Variants in FTCD observed in about 807,000 individuals in gnomAD.
The protein encoded by FTCD is formimidoyltransferase cyclodeaminase.
In FTCD, 76 loss-of-function variants were observed where a neutral mutation model predicts 62.9. That is an observed-to-expected ratio of 1.21 (90% CI 1.00 to 1.46). The LOEUF (loss-of-function observed/expected upper bound fraction) is 1.46. FTCD is among the 40% of genes most tolerant of loss of function. The pLI is 0.00. For synonymous variants in FTCD, 397 were observed against 336.9 expected (o/e 1.18, Z -1.95); for missense variants, 845 against 751.3 (o/e 1.12, Z -1.46).
At chr21:46,152,816 C>T in intron 3 of FTCD, 91 bp downstream of exon 3, 1 of 1,130,142 alleles carries the variant, frequency 8.8e-7, no homozygotes, top group South Asian at 1.6e-5. Context: ...CAAGAGCAGT[C>T]AAGGGCAGGG....
chr21:46,151,877 C>T lies in FTCD; in HGVS notation c.456+15G>A, dbSNP rs2079288216. The T allele has an allele frequency of 6.4e-7, 1 of 1,556,860 alleles. No individual in the cohort carries two copies. The highest frequency in any genetic ancestry group is 8.7e-7 in the Non-Finnish European group (1 of 1,150,280). On this transcript the variant is annotated intron_variant, in intron 4 of 13. Transcript: ENST00000397746. ...CCACCTCCTTCCCAGGCCCGACCGC[C>T]CGGGGTGGGGGCACCTTCTTAGGGA...
intron 13 of FTCD, 72 bp from the exon 14 acceptor site, chr21:46,137,145 A>AC (rs2078887541): frequency 6.9e-6 from 11 of 1,598,266 alleles, no homozygotes; most frequent in Non-Finnish European, 9.4e-6. Flanking sequence ...GCAACCTCCG[A>AC]CCCCCACTGC....
At chr21:46,141,304 T>A (rs78566761) in intron 10 of FTCD, among the ~76,000 whole-genome samples, 1 of 83,838 alleles carries the variant, frequency 1.2e-5, no homozygotes, top group Middle Eastern at 5.8e-3. Context: ...CCTGGCTTTA[T>A]TTTTTTTTTT....
rs576221240 is a variant in FTCD, at chr21:46,154,083, A to T, written c.238+66T>A. 2,788 of 1,540,544 alleles carry T rather than the reference A, an allele frequency of 1.8e-3. 8 individuals carry two copies. Among genetic ancestry groups the T allele is most frequent in the Non-Finnish European group, 2.4e-3 (2,630 of 1,114,326 alleles). ...CCGGGCCTACCCCCTCTCCCAGGAC[A>T]CCAGGACAGGGCTCGGCCCTGACAT... On this transcript the variant is annotated intron_variant, in intron 2 of 13. Transcript: ENST00000397746.
chr21:46,136,634 C>T (rs1601284394), downstream of FTCD: 12 of 1,488,066 alleles, frequency 8.1e-6, no homozygotes, highest in South Asian at 5.2e-5. Flanking sequence ...GGGACCCTGG[C>T]GCTGAGGTCT....
Position 46,137,298 on chromosome 21 carries a change from C to G in FTCD, c.1480G>C (p.Ala494Pro). The change falls in exon 13 of 14, where the codon GCA (alanine) becomes CCA (proline). Residue 494 changes from alanine (A) to proline (P), a missense_variant. Coordinates refer to ENST00000397746, the MANE Select transcript of FTCD (RefSeq NM_206965.2). ...AGGTTGATGAGCACGTTGAAATATG[C>G]GCCAAACACGCCCATCTCCAGGGCT... is the stretch of plus-strand genomic sequence containing the variant. ...AKALEMGVFGAYFNVLINLRD... is the reference protein window; with the variant it reads ...AKALEMGVFGPYFNVLINLRD... 6.2e-7 allele frequency: 1 copy of G among 1,613,756 alleles called. No homozygotes were observed. The highest frequency in any genetic ancestry group is 8.5e-7 in the Non-Finnish European group (1 of 1,179,900).
At chr21:46,152,751 G>A (rs1235465842) in intron 3 of FTCD, 156 bp downstream of exon 3, 12 of 630,582 alleles carry the variant, frequency 1.9e-5, no homozygotes, top group South Asian at 1.2e-4. Flanking sequence ...CGTTTATTTC[G>A]GTATTGAGGG....
chr21:46,147,042 C>G (rs982497811), intron 7 of FTCD: 1 of 152,318 alleles, frequency 6.6e-6, no homozygotes, highest in Non-Finnish European at 1.5e-5. Flanking sequence ...GGACATCATT[C>G]GAAACCAGAC....
Position 46,145,405 on chromosome 21 carries a change from G to A in FTCD, c.1260+12C>T. On this transcript the variant is annotated intron_variant, in intron 10 of 13. Coordinates refer to ENST00000397746, the MANE Select transcript of FTCD (RefSeq NM_206965.2). Reference sequence around the variant, plus strand: ...GTGGGGCCCGGGGAGCCCTGCTGTGGCCGCCACTCACCAGGTAGGCGGTGA... The same window carrying A: ...GTGGGGCCCGGGGAGCCCTGCTGTGACCGCCACTCACCAGGTAGGCGGTGA... 6.5e-7 allele frequency: 1 copy of A among 1,537,392 alleles called. No homozygotes were observed.
In FTCD at chr21:46,136,839, G is replaced by C. The variant is rs767576209; in HGVS notation, c.*148C>G. 3.9e-6 allele frequency: 6 copies of C among 1,550,842 alleles called. No individual in the cohort carries two copies. Among genetic ancestry groups the C allele is most frequent in the Non-Finnish European group, 8.7e-7 (1 of 1,147,276 alleles). On this transcript the variant is annotated 3_prime_UTR_variant, in exon 14 of 14. Coordinates refer to ENST00000397746, the MANE Select transcript of FTCD (RefSeq NM_206965.2). The stretch of plus-strand genomic sequence containing the variant: ...CTAGGGGCCTTCTGTCCCTGCCAGC[G>C]CCTCCATTCCCAGGCGATGCCCCGC...
At chr21:46,150,331 G>A (rs1304215990) in intron 6 of FTCD, 57 bp downstream of exon 6, 1 of 1,611,302 alleles carries the variant, frequency 6.2e-7, no homozygotes, top group African/African-American at 1.3e-5. Flanking sequence ...CCCCCGCCCT[G>A]CCCACGGGAC....
Position 46,138,933 on chromosome 21 carries a change from A to T in FTCD, c.1261-10T>A. 6.2e-7 allele frequency: 1 copy of T among 1,611,200 alleles called. No individual in the cohort carries two copies. The highest frequency in any genetic ancestry group is 1.1e-5 in the South Asian group (1 of 91,032). On this transcript the variant is annotated splice_polypyrimidine_tract_variant and intron_variant, in intron 10 of 13. Transcript: ENST00000397746. ...GGAGCCTCATTGCTTCCTGCCATAA[A>T]GAGACAGAACCACTGGGCGAGGGAC...
At chr21:46,141,141 C>T (rs2078996056) in intron 10 of FTCD, among the ~76,000 whole-genome samples, 1 of 152,048 alleles carries the variant, frequency 6.6e-6, no homozygotes, top group Non-Finnish European at 1.5e-5. Flanking sequence ...GTTTTATATA[C>T]ATATGTTTAC....
chr21:46,142,672 G>GC (rs1300469365), intron 10 of FTCD: 2 of 150,410 alleles, frequency 1.3e-5, no homozygotes, highest in African/African-American at 2.5e-5. Context: ...AAAGAACAAA[G>GC]CCCCCACAGC....
Position 46,139,120 on chromosome 21 carries a change from G to C in FTCD, c.1261-197C>G, listed in dbSNP as rs1012753745. 3 of 621,086 alleles carry C rather than the reference G, an allele frequency of 4.8e-6. No individual in the cohort carries two copies. The African/African-American group carries it at 5.5e-5, about 11-fold the overall frequency. The allele number at this position is 621,086 out of a possible 1,614,324, so 38.5% of individuals were successfully genotyped here. A position where few individuals can be genotyped will look rare whatever the true frequency, so the allele number is the denominator to read the frequency against. On this transcript the variant is annotated intron_variant, in intron 10 of 13. Transcript: ENST00000397746. ...GGAGGAGCAGGGTAGGGGGGGTCGG[G>C]GCACACAGCAGATGGTCAGAGACCC...
intron 10 of FTCD, among the ~76,000 whole-genome samples, chr21:46,140,998 C>T (rs1305167774): frequency 3.9e-5 from 6 of 152,226 alleles, no homozygotes; most frequent in African/African-American, 9.7e-5. Context: ...TCACTGTCCC[C>T]GCTCATGGTT....
chr21:46,136,875 C>A lies in FTCD; in HGVS notation c.*112G>T. On this transcript the variant is annotated 3_prime_UTR_variant, in exon 14 of 14. Coordinates refer to ENST00000397746, the MANE Select transcript of FTCD (RefSeq NM_206965.2). Reference sequence around the variant, plus strand: ...CAGGCGATGCCCCGCTGCCTGCCCACCTACCCTCCGGGCCCCACACGAACA... The same window carrying A: ...CAGGCGATGCCCCGCTGCCTGCCCAACTACCCTCCGGGCCCCACACGAACA... The A allele has an allele frequency of 5.7e-6, 9 of 1,568,514 alleles. No individual in the cohort carries two copies. The highest frequency in any genetic ancestry group is 2.7e-5 in the African/African-American group (2 of 73,772).
Position 46,145,964 on chromosome 21 carries a change from G to A in FTCD, c.969-17C>T. On this transcript the variant is annotated splice_polypyrimidine_tract_variant and intron_variant, in intron 8 of 13. Transcript: ENST00000397746. ...ACCAGGTACCTGCAGGGTGGGCGCG[G>A]CTCAGCGGGTCTGGCCGGGGTTGGT... 7.0e-7 allele frequency: 1 copy of A among 1,438,404 alleles called. No individual in the cohort carries two copies. The highest frequency in any genetic ancestry group is 9.3e-7 in the Non-Finnish European group (1 of 1,080,884). 89.1% of individuals were successfully genotyped at this position (1,438,404 alleles called of 1,614,324 possible). A position where few individuals can be genotyped will look rare whatever the true frequency, so the allele number is the denominator to read the frequency against.
At chr21:46,149,475 A>C (rs942093329) in intron 7 of FTCD, among the ~76,000 whole-genome samples, 4 of 152,234 alleles carry the variant, frequency 2.6e-5, no homozygotes, top group African/African-American at 9.7e-5. Context: ...AAACGTCCCC[A>C]AAAAATCCAG....
Sources: allele counts gnomAD v4.1 joint callset (sites outside exome capture counted in the v4.1 genomes callset), GRCh38; gene constraint gnomAD v4.1.1; transcripts MANE v1.5; gene names NCBI Gene and HGNC (gene_info 2026-07-23, HGNC 2026-07-21).